VRK2: variants seen among roughly 807,000 people sequenced by gnomAD.
VRK2 encodes serine/threonine-protein kinase VRK2.
A neutral mutation model predicts 57.6 loss-of-function variants in VRK2; 60 were observed. The ratio of observed to expected loss-of-function variants is 1.04; its 90% CI spans 0.85 to 1.29. The LOEUF is 1.29. VRK2 is among the 50% of genes most tolerant of loss of function. The pLI is 0.00. For missense variants in VRK2, 705 were observed against 588.1 expected, an observed-to-expected ratio of 1.20 and a Z score of -2.06; for synonymous variants, 231 against 199.2, an observed-to-expected ratio of 1.16 and a Z score of -1.35.
chr2:58,086,545 T>C, intron 5 of VRK2, 119 bp downstream of exon 5: 1 of 812,240 alleles, frequency 1.2e-6, no homozygotes, highest in Non-Finnish European at 1.9e-6. Context: ...CACAAACTTG[T>C]ATTGTCTTAG....
chr2:58,061,141 A>C (rs1677270451), intron 2 of VRK2, among the ~76,000 whole-genome samples: 1 of 151,914 alleles, frequency 6.6e-6, no homozygotes, highest in Non-Finnish European at 1.5e-5. Context: ...TTCATAACAA[A>C]ATTCAAATTT....
intron 1 of VRK2, among the ~76,000 whole-genome samples, chr2:58,004,361 T>G (rs547985345): frequency 6.6e-6 from 1 of 152,286 alleles, no homozygotes; most frequent in East Asian, 1.9e-4. Context: ...ACTGAGTGGT[T>G]CAGTGACTAA....
At chr2:57,919,669 T>TA (rs1464185463) in intron 1 of VRK2, among the ~76,000 whole-genome samples, 1 of 152,106 alleles carries the variant, frequency 6.6e-6, no homozygotes, top group African/African-American at 2.4e-5. Flanking sequence ...AGCAAGGTTA[T>TA]ATTTTTCCTT....
At chr2:58,043,299 C>A (rs768506808), upstream of VRK2, among the ~76,000 whole-genome samples, 1 of 152,112 alleles carries the variant, frequency 6.6e-6, no homozygotes, top group Non-Finnish European at 1.5e-5. Flanking sequence ...CTATCTTTCT[C>A]TTTTGCCATT....
intron 8 of VRK2, among the ~76,000 whole-genome samples, chr2:58,130,829 A>T (rs978823592): frequency 3.9e-5 from 6 of 152,148 alleles, no homozygotes; most frequent in African/African-American, 1.4e-4. Context: ...ACAATTTTGA[A>T]TGACTACAAA....
intron 10 of VRK2, among the ~76,000 whole-genome samples, chr2:58,139,117 G>A (rs889602353): frequency 1.3e-5 from 2 of 152,114 alleles, no homozygotes; most frequent in African/African-American, 4.8e-5. Flanking sequence ...GCTAGGTATG[G>A]AGGACATGAG....
At chr2:58,006,308 G>A (rs1017560455) in intron 1 of VRK2, among the ~76,000 whole-genome samples, 2 of 152,142 alleles carry the variant, frequency 1.3e-5, no homozygotes, top group Non-Finnish European at 2.9e-5. Context: ...AAGTTTGTTT[G>A]GTGGAAAGTG....
chr2:57,971,578 G>GTATT (rs890253201), intron 1 of VRK2, among the ~76,000 whole-genome samples: 1 of 151,648 alleles, frequency 6.6e-6, no homozygotes, highest in Admixed American at 6.6e-5. Flanking sequence ...ATCTATTTAT[G>GTATT]TATTTATTTA....
chr2:57,946,685 A>T (rs949424361), intron 1 of VRK2, among the ~76,000 whole-genome samples: 3 of 152,178 alleles, frequency 2.0e-5, no homozygotes, highest in Non-Finnish European at 2.9e-5. Flanking sequence ...AACAATTAAA[A>T]TTATTATAGA....
chr2:58,071,730 C>T (rs905873540), intron 2 of VRK2, among the ~76,000 whole-genome samples: 1 of 151,972 alleles, frequency 6.6e-6, no homozygotes, highest in Non-Finnish European at 1.5e-5. Flanking sequence ...TGCAAGTCCT[C>T]TGACTTTGTT....
At chr2:57,955,990 A>T (rs1452707631) in intron 1 of VRK2, among the ~76,000 whole-genome samples, 1 of 152,210 alleles carries the variant, frequency 6.6e-6, no homozygotes, top group Non-Finnish European at 1.5e-5. Context: ...TGTAGAAATA[A>T]ACTTGAAAAT....
chr2:57,920,778 G>A (rs1009804637), intron 1 of VRK2, among the ~76,000 whole-genome samples: 1 of 152,062 alleles, frequency 6.6e-6, no homozygotes, highest in Non-Finnish European at 1.5e-5. Context: ...TCAACTATGG[G>A]TGAGAATTCC....
chr2:57,924,072 T>A (rs1377284415), intron 1 of VRK2, among the ~76,000 whole-genome samples: 1 of 151,866 alleles, frequency 6.6e-6, no homozygotes, highest in Non-Finnish European at 1.5e-5. Flanking sequence ...CTTCCGTTCT[T>A]CTGATCTCTG....
chr2:57,942,502 G>T (rs1671131404), intron 1 of VRK2, among the ~76,000 whole-genome samples: 1 of 151,954 alleles, frequency 6.6e-6, no homozygotes, highest in Admixed American at 6.6e-5. Context: ...AGCTTCTTTA[G>T]GTAAACTTTA....
Position 58,060,495 on chromosome 2 carries a change from A to G in VRK2, c.136+11528A>G, listed in dbSNP as rs541326705. Among the ~76,000 whole-genome samples the G allele has an allele frequency of 3.1e-4, 47 of 152,014 alleles. 1 individual carries two copies. In the South Asian group the frequency reaches 6.4e-3, roughly 21 times the overall value. On this transcript the variant is annotated intron_variant, in intron 2 of 12. Coordinates refer to ENST00000340157, the MANE Select transcript of VRK2 (RefSeq NM_006296.7). ...CATGGATAGAGGCCTTAAGGCAATAATGGATGCAGCTGGTAAAGAAGCAGA... is the reference window on the plus strand; with the variant it reads ...CATGGATAGAGGCCTTAAGGCAATAGTGGATGCAGCTGGTAAAGAAGCAGA...
upstream of VRK2, among the ~76,000 whole-genome samples, chr2:58,043,379 T>C (rs1674539789): frequency 6.6e-6 from 1 of 152,150 alleles, no homozygotes; most frequent in African/African-American, 2.4e-5. Context: ...TAGAGGAATT[T>C]TGACAAATGT....
intron 1 of VRK2, among the ~76,000 whole-genome samples, chr2:57,925,541 A>C (rs917709439): frequency 8.6e-5 from 13 of 151,604 alleles, no homozygotes; most frequent in African/African-American, 2.9e-4. Flanking sequence ...TATTTGTTGA[A>C]ATTTTTTCTT....
At chr2:57,994,058 C>T (rs1476286349) in intron 1 of VRK2, among the ~76,000 whole-genome samples, 1 of 152,210 alleles carries the variant, frequency 6.6e-6, no homozygotes, top group East Asian at 1.9e-4. Context: ...AAAGGCTCCC[C>T]TTTTTAAAGG....
intron 1 of VRK2, among the ~76,000 whole-genome samples, chr2:57,979,476 A>C (rs1672352577): frequency 6.6e-6 from 1 of 150,934 alleles, no homozygotes; most frequent in Non-Finnish European, 1.5e-5. Context: ...ATCTATGTTC[A>C]CCAGGGATAT....
Sources: allele counts gnomAD v4.1 joint callset (sites outside exome capture counted in the v4.1 genomes callset), GRCh38; gene constraint gnomAD v4.1.1; transcripts MANE v1.5; gene names NCBI Gene and HGNC (gene_info 2026-07-23, HGNC 2026-07-21).